The following CEP170 variants were observed in gnomAD, a reference collection of about 807,000 sequenced individuals.
CEP170 encodes the protein centrosomal protein 170.
CEP170 carries 21 observed loss-of-function variants against 151.9 expected under a neutral mutation model. The ratio of observed to expected loss-of-function variants is 0.14; its 90% CI spans 0.10 to 0.20. CEP170 has a LOEUF of 0.20. Ranked by LOEUF, CEP170 falls within the 10% of genes least tolerant of loss-of-function variation. CEP170 has a pLI of 1.00. For synonymous variants in CEP170, 356 were observed against 648.8 expected, an observed-to-expected ratio of 0.55 and a Z score of 6.86; for missense variants, 964 against 1,892.9, an observed-to-expected ratio of 0.51 and a Z score of 9.11.
At chr1:243,141,704 T>C (rs1353932178) in intron 15 of CEP170, among the ~76,000 whole-genome samples, 3 of 152,374 alleles carry the variant, frequency 2.0e-5, no homozygotes, top group Admixed American at 6.5e-5. Context: ...CCTGGAGTTA[T>C]ACTGTAAGAG....
At chr1:243,239,194 C>A (rs2064555447) in intron 1 of CEP170, among the ~76,000 whole-genome samples, 1 of 152,206 alleles carries the variant, frequency 6.6e-6, no homozygotes, top group East Asian at 1.9e-4. Context: ...AGAAAGAACC[C>A]TTTCATCTAA....
In CEP170 at chr1:243,189,554, T is replaced by C. The variant is rs987345532; in HGVS notation, c.1108+1464A>G. Reference sequence around the variant, plus strand: ...CTGAGTGACAAAGCGAGACTCTGTCTCCAAAAAAAAAAAAAAAAAATAGTA... The same window carrying C: ...CTGAGTGACAAAGCGAGACTCTGTCCCCAAAAAAAAAAAAAAAAAATAGTA... On this transcript the variant is annotated intron_variant, in intron 8 of 19. Transcript: ENST00000366542. Among the ~76,000 whole-genome samples, 16 of 117,198 alleles carry C rather than the reference T, an allele frequency of 1.4e-4. No homozygotes were observed. In the Admixed American group the frequency reaches 1.4e-3, roughly 11 times the overall value. The allele number at this position is 117,198 out of a possible 152,430, so 76.9% of individuals were successfully genotyped here.
At chr1:243,134,727 C>A (rs1467204341) in intron 17 of CEP170, among the ~76,000 whole-genome samples, 1 of 150,660 alleles carries the variant, frequency 6.6e-6, no homozygotes, top group Non-Finnish European at 1.5e-5. Flanking sequence ...GTCCTAGGCT[C>A]AAATGATCCG....
intron 11 of CEP170, among the ~76,000 whole-genome samples, chr1:243,170,389 G>GA (rs919876483): frequency 2.1e-4 from 31 of 144,776 alleles, no homozygotes; most frequent in African/African-American, 5.6e-4. Flanking sequence ...GTCTCAAAAA[G>GA]AAAAAAAAAA....
At chr1:243,192,902 C>CA (rs1404405957) in intron 7 of CEP170, among the ~76,000 whole-genome samples, 16 of 151,766 alleles carry the variant, frequency 1.1e-4, no homozygotes, top group Middle Eastern at 6.8e-3. Flanking sequence ...AATAAATTGT[C>CA]AAAAAAATCT....
At chr1:243,152,487 C>G (rs1338137932) in intron 14 of CEP170, among the ~76,000 whole-genome samples, 1 of 140,396 alleles carries the variant, frequency 7.1e-6, no homozygotes, top group Non-Finnish European at 1.5e-5. Context: ...TCCCAAAGTG[C>G]TGGGATTCCA....
chr1:243,160,864 C>A (rs2058008737), intron 13 of CEP170, among the ~76,000 whole-genome samples: 1 of 151,988 alleles, frequency 6.6e-6, no homozygotes, highest in East Asian at 1.9e-4. Flanking sequence ...TGCAAACAGT[C>A]TCAAAAAATT....
intron 14 of CEP170, among the ~76,000 whole-genome samples, chr1:243,152,220 T>C (rs1488637321): frequency 2.0e-5 from 3 of 151,868 alleles, no homozygotes; most frequent in African/African-American, 7.3e-5. Flanking sequence ...GGAGCCATTT[T>C]GATTTTTTTT....
intron 1 of CEP170, among the ~76,000 whole-genome samples, chr1:243,230,790 A>G (rs897052388): frequency 2.6e-5 from 4 of 152,178 alleles, no homozygotes; most frequent in Admixed American, 1.3e-4. Context: ...ATACTAATAT[A>G]CACATATAGG....
At chr1:243,139,227 G>A (rs927670402) in intron 16 of CEP170, among the ~76,000 whole-genome samples, 1 of 151,704 alleles carries the variant, frequency 6.6e-6, no homozygotes, top group African/African-American at 2.4e-5. Context: ...TCAGCCTCCT[G>A]AGTAGCTGGG....
intron 11 of CEP170, among the ~76,000 whole-genome samples, chr1:243,170,679 A>G (rs1669522736): frequency 2.0e-5 from 3 of 152,214 alleles, no homozygotes; most frequent in Non-Finnish European, 4.4e-5. Context: ...CTGTAGTCCC[A>G]GCTACTTGTG....
chr1:243,222,051 AT>A lies in CEP170; in HGVS notation c.106-239del. On this transcript the variant is annotated intron_variant, in intron 2 of 19. Coordinates refer to ENST00000366542, the MANE Select transcript of CEP170 (RefSeq NM_014812.3). The stretch of plus-strand genomic sequence containing the variant: ...CTTTTCTACTAAATTCACATGTTCT[AT>A]TAAGAATTTACATCAGCTGACTTCG... 2.0e-5 allele frequency among the ~76,000 whole-genome samples: 3 copies of A among 152,384 alleles called. No homozygotes were observed. In the Middle Eastern group the frequency reaches 0.01, roughly 518 times the overall value.
At chr1:243,132,417 C>T (rs1296300017) in intron 17 of CEP170, among the ~76,000 whole-genome samples, 2 of 152,168 alleles carry the variant, frequency 1.3e-5, no homozygotes, top group African/African-American at 4.8e-5. Flanking sequence ...CCTCACCTTG[C>T]CAACTACACT....
chr1:243,135,332 G>A (rs2054926002), intron 17 of CEP170, among the ~76,000 whole-genome samples: 2 of 151,874 alleles, frequency 1.3e-5, no homozygotes, highest in Admixed American at 6.6e-5. Context: ...TCAGCCTCCC[G>A]AGTAACTGGG....
chr1:243,188,022 G>A (rs1440284121), intron 8 of CEP170, among the ~76,000 whole-genome samples: 4 of 151,840 alleles, frequency 2.6e-5, no homozygotes, highest in Non-Finnish European at 5.9e-5. Context: ...AAGAAAAAAT[G>A]GGATTAATTA....
rs36023097 is a variant in CEP170 at position 243,244,357 on chromosome 1, TCACACA to T, written c.-42+10677_-42+10682del. Among the ~76,000 whole-genome samples the T allele has an allele frequency of 8.7e-4, 131 of 150,220 alleles. 1 individual carries two copies. Among genetic ancestry groups the T allele is most frequent in the African/African-American group, 3.0e-3 (121 of 40,860 alleles). ...TGCCCAAAATAGAGAGCTCCTTGTA[TCACACA>T]CACACACACACACACACCCTCAAAA... On this transcript the variant is annotated intron_variant, in intron 1 of 19. Transcript: ENST00000366542.
intron 4 of CEP170, among the ~76,000 whole-genome samples, chr1:243,209,070 A>G (rs1210789264): frequency 6.6e-6 from 1 of 152,212 alleles, no homozygotes; most frequent in African/African-American, 2.4e-5. Context: ...TTCACTGAGT[A>G]TGTGCTTTTC....
At chr1:243,158,996 G>A (rs2057815246) in intron 13 of CEP170, among the ~76,000 whole-genome samples, 1 of 152,164 alleles carries the variant, frequency 6.6e-6, no homozygotes, top group Admixed American at 6.5e-5. Flanking sequence ...GAACCCTGGA[G>A]TCGGAGGGTG....
In CEP170 at chr1:243,172,034, C is replaced by T. The variant is rs540851330; in HGVS notation, c.1716+663G>A. On this transcript the variant is annotated intron_variant, in intron 11 of 19. Coordinates refer to ENST00000366542, the MANE Select transcript of CEP170 (RefSeq NM_014812.3). ...AACTGTATCTATCAGGCAGTGCCCTCGTACATGTTTCCTGGTATGATATAC... is the reference window on the plus strand; with the variant it reads ...AACTGTATCTATCAGGCAGTGCCCTTGTACATGTTTCCTGGTATGATATAC... 3.9e-5 allele frequency among the ~76,000 whole-genome samples: 6 copies of T among 152,164 alleles called. No individual in the cohort carries two copies. In the South Asian group the frequency reaches 1.0e-3, roughly 26 times the overall value.
Sources: gnomAD v4.1 joint callset for allele counts (sites outside exome capture counted in the v4.1 genomes callset) on GRCh38, gnomAD v4.1.1 for gene constraint, MANE v1.5 for transcripts, NCBI Gene and HGNC (gene_info 2026-07-23, HGNC 2026-07-21) for gene names.